CFAP54: variants seen among roughly 807,000 people sequenced by gnomAD.
CFAP54 encodes the protein cilia- and flagella-associated protein 54.
CFAP54 carries 290 observed loss-of-function variants against 370.4 expected under a neutral mutation model. The ratio of observed to expected loss-of-function variants is 0.78; its 90% confidence interval spans 0.71 to 0.86. The LOEUF (loss-of-function observed/expected upper bound fraction) is 0.86. Ranked by LOEUF, CFAP54 falls within the 40% of genes least tolerant of loss-of-function variation. The pLI is 0.00. For missense variants in CFAP54, 3,399 were observed against 3,528.7 expected, an observed-to-expected ratio of 0.96 and a Z score of 0.93; for synonymous variants, 1,206 against 1,236.5, an observed-to-expected ratio of 0.98 and a Z score of 0.52.
intron 66 of CFAP54, among the ~76,000 whole-genome samples, chr12:96,853,516 G>A (rs146918279): frequency 2.4e-4 from 37 of 152,164 alleles, no homozygotes; most frequent in Middle Eastern, 3.4e-3. Flanking sequence ...CTCCTTTTCT[G>A]TCTACATGTT....
intron 64 of CFAP54, among the ~76,000 whole-genome samples, chr12:96,813,953 T>G (rs140047587): frequency 1.2e-4 from 18 of 152,162 alleles, no homozygotes; most frequent in African/African-American, 1.4e-4. Context: ...GAGCAAGATG[T>G]AGGCAGGTGC....
At chr12:96,585,560 G>A (rs530038265) in intron 22 of CFAP54, among the ~76,000 whole-genome samples, 105 of 152,082 alleles carry the variant, frequency 6.9e-4, no homozygotes, top group African/African-American at 2.5e-3. Context: ...GACCTCAGGT[G>A]ATCTGCCCAC....
rs764659896 is a variant in CFAP54 at position 96,792,439 on chromosome 12, A to T, written c.8790A>T (p.Glu2930Asp). The T allele has an allele frequency of 2.0e-6, 3 of 1,535,958 alleles. No homozygotes were observed. Among genetic ancestry groups the T allele is most frequent in the Middle Eastern group, 1.7e-4 (1 of 5,990 alleles). The change falls in exon 63 of 68, where the codon GAA becomes GAT. Residue 2930 changes from glutamate (E) to aspartate (D), a missense_variant. Coordinates refer to ENST00000524981, the MANE Select transcript of CFAP54 (RefSeq NM_001306084.2). ...IEMVTQASNK[E>D]LCFQWYIPPL... The stretch of plus-strand genomic sequence containing the variant: ...TGGTAACGCAAGCTTCAAACAAAGA[A>T]CTTTGCTTTCAATGGTACATTCCTC...
intron 39 of CFAP54, among the ~76,000 whole-genome samples, chr12:96,672,959 T>TA (rs1344804884): frequency 6.6e-6 from 1 of 152,148 alleles, no homozygotes; most frequent in African/African-American, 2.4e-5. Flanking sequence ...CTGTTAAAGT[T>TA]ACATTTGGAA....
chr12:96,663,761 A>G, intron 38 of CFAP54, 69 bp from the exon 39 acceptor site: 1 of 1,108,532 alleles, frequency 9.0e-7, no homozygotes, highest in Non-Finnish European at 1.3e-6. Context: ...TGAGAGAAAC[A>G]TTTCAAGTAA....
At chr12:96,625,932 C>A (rs1592892028) in intron 29 of CFAP54, 125 bp downstream of exon 29, 1 of 705,874 alleles carries the variant, frequency 1.4e-6, no homozygotes, top group South Asian at 2.1e-5. Flanking sequence ...ATTTTGAATT[C>A]TTACCCACTC....
intron 1 of CFAP54, among the ~76,000 whole-genome samples, chr12:96,494,482 G>A (rs1954926195): frequency 6.6e-6 from 1 of 151,938 alleles, no homozygotes; most frequent in African/African-American, 2.4e-5. Context: ...TGTGTCTTTA[G>A]TAGAGACAGG....
At chr12:96,701,365 A>T (rs1957489759) in intron 46 of CFAP54, among the ~76,000 whole-genome samples, 1 of 152,132 alleles carries the variant, frequency 6.6e-6, no homozygotes, top group South Asian at 2.1e-4. Flanking sequence ...ATTAGTTAAA[A>T]AAATATTTTT....
chr12:96,685,461 C>T (rs966448909), intron 42 of CFAP54, among the ~76,000 whole-genome samples: 2 of 152,150 alleles, frequency 1.3e-5, no homozygotes, highest in African/African-American at 4.8e-5. Context: ...ATCAGTGTCA[C>T]CCGGGCCCAG....
intron 60 of CFAP54, among the ~76,000 whole-genome samples, chr12:96,782,837 A>G (rs1426336301): frequency 2.6e-5 from 4 of 152,222 alleles, no homozygotes; most frequent in Non-Finnish European, 5.9e-5. Flanking sequence ...TGCGTGCACC[A>G]GACAATATGT....
intron 46 of CFAP54, among the ~76,000 whole-genome samples, chr12:96,701,253 T>C (rs184184657): frequency 6.6e-6 from 1 of 152,226 alleles, no homozygotes; most frequent in African/African-American, 2.4e-5. Context: ...AGTCAGTTGA[T>C]TGACTGTTTT....
chr12:96,581,015 G>A lies in CFAP54; in HGVS notation c.2985G>A (p.Lys995=), dbSNP rs1956028033. 6.5e-6 allele frequency: 10 copies of A among 1,534,200 alleles called. No individual in the cohort carries two copies. The highest frequency in any genetic ancestry group is 1.4e-5 in the African/African-American group (1 of 72,932). ...TTGCTGCCTATTCTAACAACGGAAA[G>A]CTTGTCGGTGGTGCTATTGGGGAGA... ...FAVAAYSNNG[K]LVGGAIGETT... Residue 995 remains lysine, a synonymous_variant, in exon 22 of 68, where the codon AAG becomes AAA. Coordinates refer to ENST00000524981, the MANE Select transcript of CFAP54 (RefSeq NM_001306084.2).
At chr12:96,695,209 C>T (rs1039455366) in intron 45 of CFAP54, among the ~76,000 whole-genome samples, 2 of 152,088 alleles carry the variant, frequency 1.3e-5, no homozygotes, top group African/African-American at 4.8e-5. Context: ...TGAGTGGGCT[C>T]CAACACACCA....
chr12:96,604,277 TGGA>T (rs1369977879), intron 26 of CFAP54, among the ~76,000 whole-genome samples: 1 of 152,160 alleles, frequency 6.6e-6, no homozygotes, highest in African/African-American at 2.4e-5. Flanking sequence ...GCATCACCAG[TGGA>T]GGCCACAGAA....
In CFAP54 at chr12:96,679,655, G is replaced by C; in HGVS notation, c.5619G>C (p.Leu1873Phe). Residue 1873 changes from leucine (L) to phenylalanine (F), a missense_variant, in exon 40 of 68, where the codon TTG becomes TTC. Leu to Phe is a conservative substitution (Grantham distance 22). Coordinates refer to ENST00000524981, the MANE Select transcript of CFAP54 (RefSeq NM_001306084.2). ...TGCCCGTGGACGTGACAGACACCTT[G>C]AGGTGTTTTAGAGAGACACTGGAAA... Reference protein sequence around the residue: ...VCVPVDVTDTLRCFRETLEKS... With the variant: ...VCVPVDVTDTFRCFRETLEKS... 1 of 1,613,748 alleles carries C rather than the reference G, an allele frequency of 6.2e-7. No individual in the cohort carries two copies. Among genetic ancestry groups the C allele is most frequent in the Non-Finnish European group, 8.5e-7 (1 of 1,179,798 alleles).
intron 60 of CFAP54, among the ~76,000 whole-genome samples, chr12:96,781,813 T>A (rs938380974): frequency 5.3e-5 from 8 of 152,156 alleles, no homozygotes; most frequent in Non-Finnish European, 1.0e-4. Flanking sequence ...TCACTAGATA[T>A]ATTTTCTAAA....
chr12:96,651,505 T>G, intron 35 of CFAP54, 83 bp from the exon 36 acceptor site: 1 of 1,106,910 alleles, frequency 9.0e-7, no homozygotes, highest in Non-Finnish European at 1.3e-6. Flanking sequence ...TATTGACACA[T>G]AATATTTGGA....
At chr12:96,510,544 T>A (rs1955154163) in intron 4 of CFAP54, among the ~76,000 whole-genome samples, 1 of 152,202 alleles carries the variant, frequency 6.6e-6, no homozygotes, top group Admixed American at 6.5e-5. Flanking sequence ...GTTACTGGCA[T>A]GTTTATACAG....
At chr12:96,659,350 TCTCAAACTGCTGAC>T (rs1212414654) in intron 38 of CFAP54, among the ~76,000 whole-genome samples, 1 of 152,142 alleles carries the variant, frequency 6.6e-6, no homozygotes, top group Non-Finnish European at 1.5e-5. Flanking sequence ...GCCAGGCTGG[TCTCAAACTGCTGAC>T]CTCAAGTGAT....
Sources: gnomAD v4.1 joint callset for allele counts (sites outside exome capture counted in the v4.1 genomes callset) on GRCh38, gnomAD v4.1.1 for gene constraint, MANE v1.5 for transcripts, NCBI Gene and HGNC (gene_info 2026-07-23, HGNC 2026-07-21) for gene names.